MEIOB: variants seen among roughly 807,000 people sequenced by gnomAD.
MEIOB encodes meiosis specific with OB-fold, also known as meiosis-specific with OB domain-containing protein.
MEIOB carries 50 observed loss-of-function variants against 53.1 expected under a neutral mutation model. That is an observed-to-expected ratio of 0.94 (90% CI 0.75 to 1.19). MEIOB has a LOEUF of 1.19. MEIOB is among the 50% of genes most tolerant of loss of function. The pLI is 0.00. For synonymous variants in MEIOB, 192 were observed against 182.5 expected (o/e 1.05, Z -0.42); for missense variants, 551 against 550.8 (o/e 1.00, Z 0.00).
At position 1,871,561 on chromosome 16, in the gene MEIOB, G is replaced by C. The variant is rs937139310; in HGVS notation, c.-10+432C>G. Among the ~76,000 whole-genome samples the C allele has an allele frequency of 3.0e-5, 3 of 100,048 alleles. No homozygotes were observed. The Admixed American group carries it at 4.7e-4, about 16-fold the overall frequency. The allele number at this position is 100,048 out of a possible 152,430, so 65.6% of individuals were successfully genotyped here. A position where few individuals can be genotyped will look rare whatever the true frequency, so the allele number is the denominator to read the frequency against. On this transcript the variant is annotated intron_variant, in intron 1 of 13. Transcript: ENST00000325962. ...TTTTTTTTTGACAGAGTCTTGCTCT[G>C]TTGCCCAGACCGGAGTGCAATGGTG...
At chr16:1,839,651 CAGTCCT>C in intron 11 of MEIOB, 1 of 486,432 alleles carries the variant, frequency 2.1e-6, no homozygotes, top group Non-Finnish European at 3.6e-6. Context: ...CTGCGTACAC[CAGTCCT>C]CTGCCTGCCC....
At chr16:1,846,248 G>T (rs1374806866) in intron 9 of MEIOB, among the ~76,000 whole-genome samples, 1 of 152,170 alleles carries the variant, frequency 6.6e-6, no homozygotes, top group Non-Finnish European at 1.5e-5. Context: ...CTGGAGTGAG[G>T]CCACAGAAAT....
intron 9 of MEIOB, among the ~76,000 whole-genome samples, chr16:1,847,212 A>G (rs1327792130): frequency 6.6e-6 from 1 of 151,576 alleles, no homozygotes; most frequent in Non-Finnish European, 1.5e-5. Flanking sequence ...CTGTAATCCC[A>G]GAACTGTGGG....
In MEIOB at chr16:1,837,811, G is replaced by C; in HGVS notation, c.1278C>G (p.Leu426=). 6.5e-7 allele frequency: 1 copy of C among 1,539,446 alleles called. No individual in the cohort carries two copies. Among genetic ancestry groups the C allele is most frequent in the South Asian group, 1.2e-5 (1 of 81,342 alleles). ...EQKTALKWQF[L]LERSKIYLKF... ...TTAAATAAATTTTGCTTCTTTCCAA[G>C]AGAAATTGCCACTTTAATGCTGTTT... Residue 426 remains leucine (L), a synonymous_variant, in exon 13 of 14, where the codon CTC becomes CTG. Coordinates refer to ENST00000325962, the MANE Select transcript of MEIOB (RefSeq NM_001163560.3).
At chr16:1,851,769 T>A (rs1291835075) in intron 9 of MEIOB, among the ~76,000 whole-genome samples, 1 of 152,248 alleles carries the variant, frequency 6.6e-6, no homozygotes, top group Non-Finnish European at 1.5e-5. Flanking sequence ...CATTGCTTTA[T>A]AATTCTGTCA....
rs1323165664 is a variant in MEIOB, at chr16:1,868,117, A to G, written c.59T>C (p.Met20Thr). Residue 20 changes from methionine (M) to threonine (T), a missense_variant, in exon 2 of 14, where the codon ATG (methionine) becomes ACG (threonine). Coordinates refer to ENST00000325962, the MANE Select transcript of MEIOB (RefSeq NM_001163560.3). Reference protein sequence around the residue: ...FTTLSDLQTNMANLKVIGIVI... With the variant: ...FTTLSDLQTNTANLKVIGIVI... ...ATTATTGAAACCTACCAGATTAGCC[A>G]TATTTGTCTGCAGATCTGAAAGGGT... 4 of 1,523,160 alleles carry G rather than the reference A, an allele frequency of 2.6e-6. No homozygotes were observed. The highest frequency in any genetic ancestry group is 2.7e-6 in the Non-Finnish European group (3 of 1,124,454). 94.4% of individuals were successfully genotyped at this position (1,523,160 alleles called of 1,614,324 possible).
intron 9 of MEIOB, among the ~76,000 whole-genome samples, chr16:1,845,550 T>G (rs1451962970): frequency 6.6e-6 from 1 of 151,932 alleles, no homozygotes; most frequent in African/African-American, 2.4e-5. Context: ...AATGCAAAAT[T>G]ATCTGGAAGA....
At chr16:1,859,174 C>G (rs1216378809) in intron 5 of MEIOB, among the ~76,000 whole-genome samples, 1 of 152,206 alleles carries the variant, frequency 6.6e-6, no homozygotes, top group African/African-American at 2.4e-5. Flanking sequence ...GACATTTAAG[C>G]TGTGAGTCAA....
At chr16:1,840,808 C>T (rs978471597) in intron 11 of MEIOB, among the ~76,000 whole-genome samples, 4 of 152,096 alleles carry the variant, frequency 2.6e-5, no homozygotes, top group African/African-American at 9.7e-5. Context: ...CCTTGGCCTC[C>T]CAAAGTGCTG....
At chr16:1,863,344 G>A (rs1253816981) in intron 3 of MEIOB, among the ~76,000 whole-genome samples, 1 of 111,634 alleles carries the variant, frequency 9.0e-6, no homozygotes. Context: ...ACCATGCCAG[G>A]CTAATTTTTG....
intron 3 of MEIOB, among the ~76,000 whole-genome samples, chr16:1,864,768 G>A (rs528146574): frequency 4.5e-4 from 68 of 152,170 alleles, no homozygotes; most frequent in African/African-American, 1.5e-3. Flanking sequence ...GATTACAGGC[G>A]TGACCACTGT....
chr16:1,858,475 C>G (rs1458520867), intron 5 of MEIOB, among the ~76,000 whole-genome samples: 1 of 152,174 alleles, frequency 6.6e-6, no homozygotes, highest in African/African-American at 2.4e-5. Flanking sequence ...CACCTCCTCC[C>G]CACTGCTCGG....
chr16:1,841,766 A>C, intron 11 of MEIOB, 54 bp downstream of exon 11: 1 of 1,319,316 alleles, frequency 7.6e-7, no homozygotes, highest in Non-Finnish European at 1.0e-6. Context: ...AAATTTATTA[A>C]CAATAATTAT....
chr16:1,868,232 A>T, intron 1 of MEIOB, 48 bp from the exon 2 acceptor site: 3 of 1,020,156 alleles, frequency 2.9e-6, no homozygotes, highest in Non-Finnish European at 4.4e-6. Flanking sequence ...AATAAATGAA[A>T]TAAATCATTT....
chr16:1,850,374 T>C lies in MEIOB; in HGVS notation c.778+2665A>G, dbSNP rs139830419. ...CGGGCGGATCACTGGAGCCCAGAAG[T>C]TCAAGACCAGCCTGGCCAATATGGT... On this transcript the variant is annotated intron_variant, in intron 9 of 13. Coordinates refer to ENST00000325962, the MANE Select transcript of MEIOB (RefSeq NM_001163560.3). 8.9e-3 allele frequency among the ~76,000 whole-genome samples: 1,352 copies of C among 151,366 alleles called. 17 individuals carry two copies. Among genetic ancestry groups the C allele is most frequent in the African/African-American group, 0.032 (1,317 of 41,172 alleles).
At position 1,834,352 on chromosome 16, in the gene MEIOB, G is replaced by T; in HGVS notation, c.1320C>A (p.His440Gln). 2 of 1,602,120 alleles carry T rather than the reference G, an allele frequency of 1.2e-6. No individual in the cohort carries two copies. Among genetic ancestry groups the T allele is most frequent in the Non-Finnish European group, 1.7e-6 (2 of 1,170,086 alleles). Reference protein sequence around the residue: ...SKIYLKFVLSHRARSGLKISV... With the variant: ...SKIYLKFVLSQRARSGLKISV... ...TAATTTTCAATCCACTCCTTGCTCT[G>T]TGTGATAGAACGAACTGCGAGGAGA... Residue 440 changes from histidine (H) to glutamine (Q), a missense_variant, in exon 14 of 14, where the codon CAC becomes CAA. By Grantham distance (24) the His-to-Gln change is conservative. Transcript: ENST00000325962.
intron 2 of MEIOB, among the ~76,000 whole-genome samples, chr16:1,867,509 C>CT (rs1405631063): frequency 8.6e-6 from 1 of 116,168 alleles, no homozygotes; most frequent in Non-Finnish European, 1.7e-5. Flanking sequence ...GAGTTTTGCT[C>CT]TTGTTGCCCA....
At chr16:1,853,372 G>T in intron 7 of MEIOB, 101 bp from the exon 8 acceptor site, 1 of 958,636 alleles carries the variant, frequency 1.0e-6, no homozygotes, top group Non-Finnish European at 1.6e-6. Flanking sequence ...AGTGGCTGGG[G>T]TCAGCCATCC....
At chr16:1,864,725 T>C (rs1048688975) in intron 3 of MEIOB, among the ~76,000 whole-genome samples, 11 of 152,038 alleles carry the variant, frequency 7.2e-5, no homozygotes, top group African/African-American at 2.7e-4. Context: ...TGACCTCAGG[T>C]GATCCGCCCA....
Sources: allele counts gnomAD v4.1 joint callset (sites outside exome capture counted in the v4.1 genomes callset), GRCh38; gene constraint gnomAD v4.1.1; transcripts MANE v1.5; gene names NCBI Gene and HGNC (gene_info 2026-07-23, HGNC 2026-07-21).